Variants in NLK observed in about 807,000 individuals in gnomAD.
NLK encodes nemo like kinase, also known as serine/threonine-protein kinase NLK.
In NLK, 11 loss-of-function variants were observed where a neutral mutation model predicts 59.0. That is an observed-to-expected ratio of 0.19 (90% CI 0.12 to 0.31). NLK has a LOEUF of 0.31. Ranked by LOEUF, NLK falls within the 10% of genes least tolerant of loss-of-function variation. The pLI is 1.00. For missense variants in NLK, 410 were observed against 661.1 expected (o/e 0.62, Z 4.16); for synonymous variants, 235 against 235.9 (o/e 1.00, Z 0.03).
intron 1 of NLK, among the ~76,000 whole-genome samples, chr17:28,050,369 A>G (rs1909206711): frequency 6.6e-6 from 1 of 152,196 alleles, no homozygotes; most frequent in African/African-American, 2.4e-5. Flanking sequence ...GAGCTCAATC[A>G]TGAAGAGGTT....
chr17:28,140,187 G>A (rs1906928039), intron 3 of NLK, among the ~76,000 whole-genome samples: 1 of 152,076 alleles, frequency 6.6e-6, no homozygotes, highest in Non-Finnish European at 1.5e-5. Flanking sequence ...GCCAAGTCAT[G>A]GGGGATTTTG....
At chr17:28,132,747 G>A (rs923992586) in intron 3 of NLK, 72 bp downstream of exon 3, 8 of 1,237,870 alleles carry the variant, frequency 6.5e-6, no homozygotes, top group African/African-American at 1.5e-5. Context: ...CACCTTTTGG[G>A]GTTCATGCCT....
At chr17:28,048,857 C>A (rs1402290857) in intron 1 of NLK, 1 of 152,184 alleles carries the variant, frequency 6.6e-6, no homozygotes, top group African/African-American at 2.4e-5. Context: ...TGGAGATTGT[C>A]AAGGCCAAAG....
intron 1 of NLK, among the ~76,000 whole-genome samples, chr17:28,108,265 A>G (rs1250775989): frequency 2.0e-5 from 3 of 152,190 alleles, no homozygotes; most frequent in Admixed American, 6.5e-5. Context: ...ATCCAAAAGT[A>G]TAAAGGAAAT....
rs184002520 is a variant in NLK, at chr17:28,053,967, T to C, written c.458+10636T>C. 9.9e-4 allele frequency among the ~76,000 whole-genome samples: 151 copies of C among 152,362 alleles called. 1 individual carries two copies. The highest frequency in any genetic ancestry group is 3.5e-3 in the African/African-American group (147 of 41,592). ...GTCTCATTGCACATCTAAATTAACA[T>C]GCAGCCTGGTGCAGAGGGTTTTTCC... On this transcript the variant is annotated intron_variant, in intron 1 of 10. Transcript: ENST00000407008.
At chr17:28,072,357 G>A (rs140111336) in intron 1 of NLK, among the ~76,000 whole-genome samples, 198 of 102,550 alleles carry the variant, frequency 1.9e-3, no homozygotes, top group African/African-American at 6.6e-3. Flanking sequence ...ACAGGGTTTT[G>A]CTTGGTCACC....
chr17:28,080,334 C>G (rs1910304533), intron 1 of NLK, among the ~76,000 whole-genome samples: 1 of 152,010 alleles, frequency 6.6e-6, no homozygotes. Context: ...AATTCCAGCA[C>G]TTTGGGAGGT....
intron 7 of NLK, among the ~76,000 whole-genome samples, chr17:28,181,760 C>T (rs1195735180): frequency 6.6e-6 from 1 of 152,048 alleles, no homozygotes; most frequent in South Asian, 2.1e-4. Context: ...GTACAAATCC[C>T]AGCACTTTGG....
chr17:28,070,727 T>C (rs2142756626), intron 1 of NLK, among the ~76,000 whole-genome samples: 1 of 151,674 alleles, frequency 6.6e-6, no homozygotes, highest in South Asian at 2.1e-4. Context: ...AATACTAATT[T>C]TAAAGTAAAA....
chr17:28,113,360 CA>C (rs1905609320), intron 1 of NLK, among the ~76,000 whole-genome samples: 1 of 152,152 alleles, frequency 6.6e-6, no homozygotes, highest in South Asian at 2.1e-4. Context: ...AAAGTGAAAG[CA>C]AGTTTACTTA....
chr17:28,149,516 T>C (rs1021884572), intron 3 of NLK, among the ~76,000 whole-genome samples: 1 of 152,248 alleles, frequency 6.6e-6, no homozygotes, highest in African/African-American at 2.4e-5. Context: ...GGTTTCTCAC[T>C]TGTTGAAATC....
chr17:28,142,490 AAAG>A (rs1400200172), intron 3 of NLK, among the ~76,000 whole-genome samples: 2 of 152,166 alleles, frequency 1.3e-5, no homozygotes, highest in African/African-American at 2.4e-5. Flanking sequence ...TTTTTGTTGC[AAAG>A]AAGATGATGA....
At chr17:28,188,783 C>T (rs1909208905) in intron 8 of NLK, among the ~76,000 whole-genome samples, 1 of 152,132 alleles carries the variant, frequency 6.6e-6, no homozygotes, top group Admixed American at 6.5e-5. Context: ...AAGAACAGAC[C>T]ATTGACCATA....
intron 1 of NLK, among the ~76,000 whole-genome samples, chr17:28,044,772 G>T (rs984433854): frequency 3.3e-5 from 5 of 152,166 alleles, no homozygotes; most frequent in African/African-American, 1.2e-4. Context: ...GAAAACGGTT[G>T]TTCCTTGGTT....
intron 1 of NLK, among the ~76,000 whole-genome samples, chr17:28,071,482 A>AT (rs937420072): frequency 1.4e-5 from 2 of 140,906 alleles, no homozygotes; most frequent in African/African-American, 5.3e-5. Context: ...TCTGATCTCC[A>AT]TTTATTATAG....
chr17:28,181,817 C>G (rs187970949), intron 7 of NLK, among the ~76,000 whole-genome samples: 29 of 152,194 alleles, frequency 1.9e-4, no homozygotes, highest in Admixed American at 7.2e-4. Flanking sequence ...TTGAGATCAG[C>G]CTGGGCAATG....
At chr17:28,143,375 C>A (rs1402770345) in intron 3 of NLK, among the ~76,000 whole-genome samples, 1 of 152,008 alleles carries the variant, frequency 6.6e-6, no homozygotes, top group Non-Finnish European at 1.5e-5. Flanking sequence ...GATTGTAGAA[C>A]CTTTGACCAA....
chr17:28,150,768 T>C (rs1907446195), intron 3 of NLK, among the ~76,000 whole-genome samples: 2 of 152,206 alleles, frequency 1.3e-5, no homozygotes, highest in African/African-American at 4.8e-5. Flanking sequence ...ATTTGTTTTA[T>C]AGTAGGGCTG....
At chr17:28,131,407 A>G (rs149265491) in intron 2 of NLK, among the ~76,000 whole-genome samples, 9 of 151,896 alleles carry the variant, frequency 5.9e-5, no homozygotes, top group Non-Finnish European at 8.8e-5. Context: ...TTTTTTCATT[A>G]GAGATACTGA....
Sources: gnomAD v4.1 joint callset for allele counts (sites outside exome capture counted in the v4.1 genomes callset) on GRCh38, gnomAD v4.1.1 for gene constraint, MANE v1.5 for transcripts, NCBI Gene and HGNC (gene_info 2026-07-23, HGNC 2026-07-21) for gene names.